SRRM4: variants seen among roughly 807,000 people sequenced by gnomAD.
The protein encoded by SRRM4 is serine/arginine repetitive matrix protein 4.
A neutral mutation model predicts 68.9 loss-of-function variants in SRRM4; 33 were observed. The ratio of observed to expected loss-of-function variants is 0.48; its 90% CI spans 0.36 to 0.64. The LOEUF is 0.64. Among genes scored for constraint, SRRM4 ranks in the 30% least tolerant of loss-of-function variants. The pLI, the probability that SRRM4 is intolerant of heterozygous loss-of-function variation, is 0.00. For missense variants in SRRM4, 817 were observed against 827.1 expected, an observed-to-expected ratio of 0.99 and a Z score of 0.15; for synonymous variants, 318 against 318.8, an observed-to-expected ratio of 1.00 and a Z score of 0.03.
At chr12:119,015,904 T>C (rs971735876) in intron 1 of SRRM4, among the ~76,000 whole-genome samples, 3 of 152,196 alleles carry the variant, frequency 2.0e-5, no homozygotes, top group Non-Finnish European at 2.9e-5. Flanking sequence ...CCTGTAGTGG[T>C]CATCAGACCA....
intron 8 of SRRM4, among the ~76,000 whole-genome samples, chr12:119,141,232 C>A (rs571528665): frequency 6.6e-6 from 1 of 152,074 alleles, no homozygotes; most frequent in Non-Finnish European, 1.5e-5. Context: ...CGTGAGCCAC[C>A]ATGCTCGGTC....
intron 1 of SRRM4, among the ~76,000 whole-genome samples, chr12:119,031,700 T>C (rs1953591469): frequency 6.6e-6 from 1 of 152,208 alleles, no homozygotes; most frequent in Non-Finnish European, 1.5e-5. Context: ...TTCAATTTGA[T>C]AGGAAAACCA....
chr12:119,012,901 C>A (rs780783597), intron 1 of SRRM4, among the ~76,000 whole-genome samples: 2 of 152,084 alleles, frequency 1.3e-5, no homozygotes, highest in Admixed American at 6.6e-5. Flanking sequence ...ACCCAATTAC[C>A]CTCTAAACCT....
At chr12:119,004,509 T>C (rs763744067) in intron 1 of SRRM4, among the ~76,000 whole-genome samples, 14 of 151,930 alleles carry the variant, frequency 9.2e-5, no homozygotes, top group Non-Finnish European at 1.8e-4. Flanking sequence ...AGGCCTAGTT[T>C]TGTTCAGATT....
chr12:119,074,655 C>T (rs1008173079), intron 1 of SRRM4, among the ~76,000 whole-genome samples: 1 of 152,128 alleles, frequency 6.6e-6, no homozygotes, highest in African/African-American at 2.4e-5. Context: ...TTATTACTTG[C>T]CCTAGAGATT....
At chr12:118,991,964 G>A (rs1036835010) in intron 1 of SRRM4, among the ~76,000 whole-genome samples, 6 of 152,236 alleles carry the variant, frequency 3.9e-5, no homozygotes, top group South Asian at 2.1e-4. Context: ...CATTTTACAC[G>A]TGGAGGGCTG....
intron 2 of SRRM4, among the ~76,000 whole-genome samples, chr12:119,108,852 G>T (rs1213164002): frequency 1.3e-5 from 2 of 152,146 alleles, no homozygotes; most frequent in Non-Finnish European, 2.9e-5. Flanking sequence ...GTGTGAATTT[G>T]ATCCTGTCAT....
At chr12:119,087,592 T>C (rs1186840472) in intron 1 of SRRM4, among the ~76,000 whole-genome samples, 4 of 152,028 alleles carry the variant, frequency 2.6e-5, no homozygotes, top group South Asian at 2.1e-4. Flanking sequence ...GGTGTTTTTT[T>C]AGCTGTCGGA....
chr12:119,024,435 G>A (rs145044277), intron 1 of SRRM4, among the ~76,000 whole-genome samples: 22 of 152,372 alleles, frequency 1.4e-4, no homozygotes, highest in Non-Finnish European at 2.8e-4. Context: ...CAGAGGGAAT[G>A]TGGGCTGGGT....
Position 119,130,672 on chromosome 12 carries a change from C to G in SRRM4, c.615-6C>G. The G allele has an allele frequency of 6.2e-7, 1 of 1,608,296 alleles. No homozygotes were observed. Among genetic ancestry groups the G allele is most frequent in the South Asian group, 1.1e-5 (1 of 90,284 alleles). ...AGACCCTCAGGTCTCTCTCCCCCAT[C>G]CCCAGGCACCGCGGCCGGTCCCCTG... On this transcript the variant is annotated splice_polypyrimidine_tract_variant and splice_region_variant and intron_variant, in intron 7 of 12. Transcript: ENST00000267260.
chr12:119,062,411 A>G (rs1953820223), intron 1 of SRRM4, among the ~76,000 whole-genome samples: 1 of 152,138 alleles, frequency 6.6e-6, no homozygotes, highest in Non-Finnish European at 1.5e-5. Context: ...TCAATAATAG[A>G]TTAACCTTAG....
At chr12:119,152,270 T>C (rs1270133113) in intron 10 of SRRM4, among the ~76,000 whole-genome samples, 1 of 151,912 alleles carries the variant, frequency 6.6e-6, no homozygotes, top group Non-Finnish European at 1.5e-5. Context: ...TTCCAAAAAA[T>C]GAGACAAGGC....
intron 7 of SRRM4, among the ~76,000 whole-genome samples, chr12:119,127,121 A>T (rs1954266176): frequency 6.7e-6 from 1 of 150,180 alleles, no homozygotes; most frequent in Non-Finnish European, 1.5e-5. Context: ...ATGATGAGTT[A>T]GTGGGTGCAG....
At chr12:119,122,969 T>C (rs1954232250) in intron 6 of SRRM4, among the ~76,000 whole-genome samples, 1 of 152,234 alleles carries the variant, frequency 6.6e-6, no homozygotes, top group Non-Finnish European at 1.5e-5. Context: ...CACTGCTGCC[T>C]GTGGAGTTCA....
At chr12:119,084,500 C>G (rs1425704138) in intron 1 of SRRM4, among the ~76,000 whole-genome samples, 5 of 152,194 alleles carry the variant, frequency 3.3e-5, no homozygotes, top group African/African-American at 1.2e-4. Context: ...CTCCAGTGGA[C>G]TATTTGTAGC....
rs556003854 is a variant in SRRM4 at position 119,048,464 on chromosome 12, A to G, written c.132-53772A>G. ...GTGAGCTCTGGGAGATATTCTCATC[A>G]CTTGCCTGGGATACAGTTTTCCAAG... On this transcript the variant is annotated intron_variant, in intron 1 of 12. Coordinates refer to ENST00000267260, the MANE Select transcript of SRRM4 (RefSeq NM_194286.4). 2.6e-5 allele frequency among the ~76,000 whole-genome samples: 4 copies of G among 152,340 alleles called. No individual in the cohort carries two copies. The South Asian group carries it at 8.3e-4, about 32-fold the overall frequency.
rs1954477474 is a variant in SRRM4, at chr12:119,156,890, G to A, written c.*92G>A. The A allele has an allele frequency of 1.4e-6, 2 of 1,414,570 alleles. No individual in the cohort carries two copies. Among genetic ancestry groups the A allele is most frequent in the South Asian group, 1.4e-5 (1 of 69,134 alleles). The allele number at this position is 1,414,570 out of a possible 1,614,324, so 87.6% of individuals were successfully genotyped here. A position where few individuals can be genotyped will look rare whatever the true frequency, so the allele number is the denominator to read the frequency against. On this transcript the variant is annotated 3_prime_UTR_variant, in exon 13 of 13. Transcript: ENST00000267260. ...CCCCGCCTTCTTGGTGACAAATAGT[G>A]AGGGCTCCTATACCTTGTCCTTCCT...
chr12:119,088,310 T>A (rs940216530), intron 1 of SRRM4, among the ~76,000 whole-genome samples: 2 of 152,120 alleles, frequency 1.3e-5, no homozygotes, highest in Non-Finnish European at 2.9e-5. Flanking sequence ...TCCCCTGACT[T>A]CAGGTTCCGC....
chr12:119,010,299 C>G (rs942993887), intron 1 of SRRM4, among the ~76,000 whole-genome samples: 1 of 152,184 alleles, frequency 6.6e-6, no homozygotes, highest in Non-Finnish European at 1.5e-5. Flanking sequence ...GTAATCCGCC[C>G]GCCTCAGCCT....
Sources: allele counts gnomAD v4.1 joint callset (sites outside exome capture counted in the v4.1 genomes callset), GRCh38; gene constraint gnomAD v4.1.1; transcripts MANE v1.5; gene names NCBI Gene and HGNC (gene_info 2026-07-23, HGNC 2026-07-21).